Variants in SOCS7 observed in about 807,000 individuals in gnomAD.
SOCS7 encodes suppressor of cytokine signaling 7.
A neutral mutation model predicts 58.9 loss-of-function variants in SOCS7; 18 were observed. That is an observed-to-expected ratio of 0.31 (90% confidence interval 0.21 to 0.45). The LOEUF (loss-of-function observed/expected upper bound fraction) is 0.45, where lower values mean the gene tolerates loss of function less well. Ranked by LOEUF, SOCS7 falls within the 20% of genes least tolerant of loss-of-function variation. The pLI, the probability that SOCS7 is intolerant of heterozygous loss-of-function variation, is 1.00. For synonymous variants in SOCS7, 388 were observed against 364.3 expected, an observed-to-expected ratio of 1.06 and a Z score of -0.74; for missense variants, 667 against 837.3, an observed-to-expected ratio of 0.80 and a Z score of 2.51.
At chr17:38,375,530 A>G (rs1478604276) in intron 6 of SOCS7, among the ~76,000 whole-genome samples, 4 of 152,188 alleles carry the variant, frequency 2.6e-5, no homozygotes, top group Non-Finnish European at 4.4e-5. Context: ...TACAGTATAT[A>G]ATACATATCA....
intron 1 of SOCS7, among the ~76,000 whole-genome samples, chr17:38,359,044 A>G (rs1391745198): frequency 1.3e-5 from 2 of 152,186 alleles, no homozygotes; most frequent in African/African-American, 4.8e-5. Flanking sequence ...GCTTCCTTTG[A>G]AAAGAGGCAA....
chr17:38,399,493 T>C lies in SOCS7; in HGVS notation c.*31-20T>C, dbSNP rs2038291343. On this transcript the variant is annotated intron_variant, in intron 9 of 9. Coordinates refer to ENST00000612932, the MANE Select transcript of SOCS7 (RefSeq NM_014598.4). ...TCTATTCTGTTGAACTGTTTTAATT[T>C]TTTTTCCTTTTCTACCTAGGCATTT... 6.6e-6 allele frequency: 1 copy of C among 152,570 alleles called. No individual in the cohort carries two copies. Among genetic ancestry groups the C allele is most frequent in the South Asian group, 2.1e-4 (1 of 4,826 alleles). 9.5% of individuals were successfully genotyped at this position (152,570 alleles called of 1,614,324 possible). A position where few individuals can be genotyped will look rare whatever the true frequency, so the allele number is the denominator to read the frequency against.
intron 4 of SOCS7, chr17:38,365,957 C>A: frequency 9.3e-7 from 1 of 1,078,144 alleles, no homozygotes; most frequent in Non-Finnish European, 1.1e-6. Context: ...GCTGCCTTAT[C>A]GGCACTTCAC....
At chr17:38,386,104 C>T (rs2144378537) in intron 7 of SOCS7, among the ~76,000 whole-genome samples, 1 of 152,040 alleles carries the variant, frequency 6.6e-6, no homozygotes, top group Admixed American at 6.6e-5. Context: ...GCAGGTGGCT[C>T]ACCTGAGGTC....
intron 1 of SOCS7, among the ~76,000 whole-genome samples, chr17:38,356,989 A>G (rs1023102756): frequency 6.6e-6 from 1 of 152,190 alleles, no homozygotes; most frequent in Non-Finnish European, 1.5e-5. Flanking sequence ...ACTTTTCAAG[A>G]TTTGTTTTTT....
intron 7 of SOCS7, among the ~76,000 whole-genome samples, chr17:38,381,646 G>C (rs1013098078): frequency 6.6e-6 from 1 of 152,086 alleles, no homozygotes; most frequent in African/African-American, 2.4e-5. Context: ...AGATCCCAGA[G>C]CTGGATGCAG....
Position 38,400,077 on chromosome 17 carries a change from C to G in SOCS7, c.*595C>G, listed in dbSNP as rs967419688. On this transcript the variant is annotated 3_prime_UTR_variant, in exon 10 of 10. Transcript: ENST00000612932. ...GGAGAGAAAGGAGGGTGGGTGGTCT[C>G]GAAAAGAATATTGGGCAAAACCTAG... 6.6e-6 allele frequency: 1 copy of G among 151,922 alleles called. No homozygotes were observed. Among genetic ancestry groups the G allele is most frequent in the South Asian group, 2.1e-4 (1 of 4,810 alleles). The allele number at this position is 151,922 out of a possible 1,614,324, so 9.4% of individuals were successfully genotyped here. A position where few individuals can be genotyped will look rare whatever the true frequency, so the allele number is the denominator to read the frequency against.
chr17:38,371,305 C>T (rs1206955912), intron 6 of SOCS7, among the ~76,000 whole-genome samples: 2 of 148,866 alleles, frequency 1.3e-5, no homozygotes, highest in African/African-American at 5.0e-5. Context: ...GACGGAGTCT[C>T]GCTTTGTTGC....
intron 7 of SOCS7, among the ~76,000 whole-genome samples, chr17:38,381,689 C>T (rs1001056299): frequency 2.0e-5 from 3 of 151,954 alleles, no homozygotes; most frequent in Admixed American, 6.6e-5. Context: ...TCAGGCTTGG[C>T]GCAGTGGCTC....
chr17:38,399,869 T>C lies in SOCS7; in HGVS notation c.*387T>C, dbSNP rs1454333445. The stretch of plus-strand genomic sequence containing the variant: ...GAAAGTGGTGCGAAGGGTGAGCAGG[T>C]CCAAAGAAGGGGTGGGAGGAGGGAA... On this transcript the variant is annotated 3_prime_UTR_variant, in exon 10 of 10. Transcript: ENST00000612932. 1 of 152,354 alleles carries C rather than the reference T, an allele frequency of 6.6e-6. No individual in the cohort carries two copies. The highest frequency in any genetic ancestry group is 1.5e-5 in the Non-Finnish European group (1 of 68,084). The allele number at this position is 152,354 out of a possible 1,614,324, so 9.4% of individuals were successfully genotyped here.
In SOCS7 at chr17:38,365,970, C is replaced by T. The variant is rs587758679; in HGVS notation, c.1253-317C>T. ...AGGCTGCCTTATCGGCACTTCACTT[C>T]GAGGTGGGAGAAGTTGGAATCGCTC... On this transcript the variant is annotated intron_variant, in intron 4 of 9. Transcript: ENST00000612932. 198 of 1,093,418 alleles carry T rather than the reference C, an allele frequency of 1.8e-4. 2 individuals are homozygous for T. In the South Asian group the frequency reaches 5.9e-3, roughly 33 times the overall value. 67.7% of individuals were successfully genotyped at this position (1,093,418 alleles called of 1,614,324 possible).
intron 7 of SOCS7, among the ~76,000 whole-genome samples, chr17:38,394,015 G>A (rs114071358): frequency 0.012 from 1,839 of 152,306 alleles, 37 homozygotes; most frequent in African/African-American, 0.041. Flanking sequence ...CAATGGCTGA[G>A]AATTCTTTGA....
chr17:38,364,149 A>G (rs587728840), intron 2 of SOCS7, among the ~76,000 whole-genome samples: 1 of 152,338 alleles, frequency 6.6e-6, no homozygotes, highest in South Asian at 2.1e-4. Context: ...TTTTAGGACT[A>G]TAAATTGTAC....
At chr17:38,381,552 A>G (rs1334442124) in intron 7 of SOCS7, among the ~76,000 whole-genome samples, 1 of 151,874 alleles carries the variant, frequency 6.6e-6, no homozygotes, top group Non-Finnish European at 1.5e-5. Context: ...TCTCCTTTTT[A>G]TTTTTTTTCT....
chr17:38,389,863 G>GTA lies in SOCS7; in HGVS notation c.1682-5445_1682-5444insAT, dbSNP rs1261982144. ...TAATTTTTTTGTTTGGTGTGTATGTGTGTACATATATATATATATGTACAT... is the reference window on the plus strand; with the variant it reads ...TAATTTTTTTGTTTGGTGTGTATGTGTATGTACATATATATATATATGTACAT... On this transcript the variant is annotated intron_variant, in intron 7 of 9. Coordinates refer to ENST00000612932, the MANE Select transcript of SOCS7 (RefSeq NM_014598.4). Among the ~76,000 whole-genome samples the GTA allele has an allele frequency of 7.6e-4, 17 of 22,332 alleles. 2 individuals are homozygous for GTA. Among genetic ancestry groups the GTA allele is most frequent in the South Asian group, 2.9e-3 (1 of 346 alleles). The allele number at this position is 22,332 out of a possible 152,430, so 14.7% of individuals were successfully genotyped here.
chr17:38,390,831 G>A (rs2038163973), intron 7 of SOCS7, among the ~76,000 whole-genome samples: 1 of 151,602 alleles, frequency 6.6e-6, no homozygotes. Context: ...GTGTAGCTGG[G>A]ACTATAGGCA....
intron 7 of SOCS7, among the ~76,000 whole-genome samples, chr17:38,380,929 T>A (rs1052454150): frequency 1.3e-5 from 2 of 152,174 alleles, no homozygotes; most frequent in Non-Finnish European, 2.9e-5. Context: ...GTGAGGAAAC[T>A]GAGGCTGAAG....
At chr17:38,374,038 T>C (rs1002090718) in intron 6 of SOCS7, among the ~76,000 whole-genome samples, 5 of 151,656 alleles carry the variant, frequency 3.3e-5, no homozygotes, top group African/African-American at 9.7e-5. Flanking sequence ...CTGGCCAACA[T>C]GGCGAAACCC....
chr17:38,396,089 C>T (rs982472060), intron 9 of SOCS7, 91 bp downstream of exon 9: 2 of 1,091,738 alleles, frequency 1.8e-6, no homozygotes, highest in Non-Finnish European at 2.5e-6. Context: ...CCACAACTCC[C>T]AACATGGATA....
Sources: gnomAD v4.1 joint callset for allele counts (sites outside exome capture counted in the v4.1 genomes callset) on GRCh38, gnomAD v4.1.1 for gene constraint, MANE v1.5 for transcripts, NCBI Gene and HGNC (gene_info 2026-07-23, HGNC 2026-07-21) for gene names.